The following CNDP1 variants were observed in gnomAD, a reference collection of about 807,000 sequenced individuals.
The protein encoded by CNDP1 is carnosine dipeptidase 1.
A neutral mutation model predicts 58.1 loss-of-function variants in CNDP1; 44 were observed. The ratio of observed to expected loss-of-function variants is 0.76; its 90% CI spans 0.60 to 0.97. The LOEUF (loss-of-function observed/expected upper bound fraction) is 0.97, where lower values mean the gene tolerates loss of function less well. CNDP1 is among the 50% of genes least tolerant of loss of function. CNDP1 has a pLI of 0.00. For missense variants in CNDP1, 616 were observed against 655.1 expected (o/e 0.94, Z 0.65); for synonymous variants, 254 against 252.6 (o/e 1.01, Z -0.05).
At chr18:74,550,802 A>C (rs376893801) in intron 1 of CNDP1, among the ~76,000 whole-genome samples, 1 of 150,690 alleles carries the variant, frequency 6.6e-6, no homozygotes, top group African/African-American at 2.4e-5. Context: ...GGGTTTCACC[A>C]TGTTAGCCAG....
At chr18:74,543,539 T>A (rs1980682346) in intron 1 of CNDP1, among the ~76,000 whole-genome samples, 1 of 141,050 alleles carries the variant, frequency 7.1e-6, no homozygotes, top group Non-Finnish European at 1.6e-5. Flanking sequence ...TAAAATAAAA[T>A]AAAAACAGAT....
At chr18:74,568,108 T>C (rs376374558) in intron 6 of CNDP1, among the ~76,000 whole-genome samples, 1 of 152,324 alleles carries the variant, frequency 6.6e-6, no homozygotes, top group Non-Finnish European at 1.5e-5. Flanking sequence ...GCATAAGACA[T>C]AGAAAGTCCC....
chr18:74,565,188 C>T (rs555710724), intron 5 of CNDP1, among the ~76,000 whole-genome samples: 24 of 152,196 alleles, frequency 1.6e-4, no homozygotes, highest in Non-Finnish European at 3.5e-4. Flanking sequence ...GATTCAATTA[C>T]CTCCCCGTGG....
At chr18:74,550,119 C>A (rs933645059) in intron 1 of CNDP1, among the ~76,000 whole-genome samples, 1 of 152,208 alleles carries the variant, frequency 6.6e-6, no homozygotes. Context: ...AGGGTCCCCA[C>A]TGGGGCACTA....
At chr18:74,540,157 CTT>C (rs34321505) in intron 1 of CNDP1, among the ~76,000 whole-genome samples, 70 of 135,184 alleles carry the variant, frequency 5.2e-4, no homozygotes, top group South Asian at 9.7e-4. Context: ...TGGTATAAAT[CTT>C]TTTTTTTTTT....
rs758721650 is a variant in CNDP1 at position 74,586,461 on chromosome 18, T to A, written c.*1899T>A. 2 of 152,256 alleles carry A rather than the reference T, an allele frequency of 1.3e-5. No homozygotes were observed. The highest frequency in any genetic ancestry group is 2.9e-5 in the Non-Finnish European group (2 of 68,050). The allele number at this position is 152,256 out of a possible 1,614,324, so 9.4% of individuals were successfully genotyped here. A position where few individuals can be genotyped will look rare whatever the true frequency, so the allele number is the denominator to read the frequency against. ...GATTTAGAGTCTTCATGTTAGTCCA[T>A]TAACATAAGTTTATTATAAAATACA... is the stretch of plus-strand genomic sequence containing the variant. On this transcript the variant is annotated 3_prime_UTR_variant, in exon 12 of 12. Transcript: ENST00000358821.
chr18:74,550,103 C>G (rs1453263587), intron 1 of CNDP1, among the ~76,000 whole-genome samples: 1 of 152,172 alleles, frequency 6.6e-6, no homozygotes. Flanking sequence ...GTTGGAGTCC[C>G]CACATAGGGT....
At chr18:74,555,534 T>C (rs1023174021) in intron 1 of CNDP1, among the ~76,000 whole-genome samples, 2 of 151,850 alleles carry the variant, frequency 1.3e-5, no homozygotes, top group African/African-American at 4.8e-5. Context: ...TGTGAAGGGG[T>C]GACCTTGCCC....
chr18:74,547,466 C>G (rs1279166827), intron 1 of CNDP1, among the ~76,000 whole-genome samples: 1 of 152,212 alleles, frequency 6.6e-6, no homozygotes, highest in Non-Finnish European at 1.5e-5. Flanking sequence ...GTTCAACACC[C>G]AAAATAAACA....
chr18:74,556,187 C>A, intron 1 of CNDP1, 151 bp from the exon 2 acceptor site: 1 of 786,144 alleles, frequency 1.3e-6, no homozygotes, highest in Non-Finnish European at 2.0e-6. Flanking sequence ...GCAAAAAATA[C>A]ATGTTTGGTT....
chr18:74,580,435 C>T (rs531922762), intron 10 of CNDP1, among the ~76,000 whole-genome samples, 164 bp downstream of exon 10: 9 of 152,352 alleles, frequency 5.9e-5, no homozygotes, highest in South Asian at 2.1e-4. Context: ...ACGCTATACA[C>T]GCCATCTCAA....
At chr18:74,583,285 G>A (rs986154444) in intron 10 of CNDP1, among the ~76,000 whole-genome samples, 11 of 152,186 alleles carry the variant, frequency 7.2e-5, no homozygotes, top group Admixed American at 4.6e-4. Context: ...GGGATTACAG[G>A]CATGAGCCAC....
rs1980739916 is a variant in CNDP1 at position 74,545,643 on chromosome 18, C to T, written c.25-10695C>T. Among the ~76,000 whole-genome samples, 1 of 152,152 alleles carries T rather than the reference C, an allele frequency of 6.6e-6. No homozygotes were observed. The highest frequency in any genetic ancestry group is 1.5e-5 in the Non-Finnish European group (1 of 68,022). On this transcript the variant is annotated intron_variant, in intron 1 of 11. Transcript: ENST00000358821. This position sits in a 1 kb window ranked among gnomAD's most constrained non-coding sequence, Gnocchi z 4.1. ...AGTCCACGTCTCTCTCAACTCCCCA[C>T]TCCCTCCGACCCTCCTCCTCCTCTC... is the stretch of plus-strand genomic sequence containing the variant.
rs950431872 is a variant in CNDP1 at position 74,568,989 on chromosome 18, T to C, written c.756+1556T>C. On this transcript the variant is annotated intron_variant, in intron 6 of 11. Coordinates refer to ENST00000358821, the MANE Select transcript of CNDP1 (RefSeq NM_032649.6). ...GGGCTGAGGTGATCAACGGTGGTAT[T>C]CAGGTTGAACAGGGGAAAAAACAAA... 2.0e-5 allele frequency among the ~76,000 whole-genome samples: 3 copies of C among 151,988 alleles called. No homozygotes were observed. In the East Asian group the frequency reaches 5.8e-4, roughly 29 times the overall value.
At chr18:74,571,297 T>G in intron 7 of CNDP1, 27 bp downstream of exon 7, 1 of 1,481,726 alleles carries the variant, frequency 6.7e-7, no homozygotes. Flanking sequence ...TTTCACTTTT[T>G]AAGCATCAGG....
At chr18:74,543,611 C>A (rs920241592) in intron 1 of CNDP1, among the ~76,000 whole-genome samples, 1 of 151,916 alleles carries the variant, frequency 6.6e-6, no homozygotes, top group Non-Finnish European at 1.5e-5. Flanking sequence ...AATAACTGAA[C>A]AGTAAAAATT....
At chr18:74,538,120 C>CA (rs1376092353) in intron 1 of CNDP1, among the ~76,000 whole-genome samples, 1 of 152,186 alleles carries the variant, frequency 6.6e-6, no homozygotes, top group Non-Finnish European at 1.5e-5. Flanking sequence ...CAACCATCAC[C>CA]ACCATCAATT....
chr18:74,583,511 G>C (rs886278916), intron 10 of CNDP1, 50 bp from the exon 11 acceptor site: 23 of 1,527,426 alleles, frequency 1.5e-5, no homozygotes, highest in Non-Finnish European at 1.9e-5. Flanking sequence ...GAGCTTCCTG[G>C]GGGTGTTCTT....
chr18:74,563,897 A>G, intron 5 of CNDP1, among the ~76,000 whole-genome samples: 1 of 152,332 alleles, frequency 6.6e-6, no homozygotes, highest in Admixed American at 6.5e-5. Context: ...TTGCCAGAAA[A>G]TTCTTAGGAT....
Sources: allele counts gnomAD v4.1 joint callset (sites outside exome capture counted in the v4.1 genomes callset), GRCh38; gene constraint gnomAD v4.1.1; non-coding constraint Gnocchi (gnomAD v3.1); transcripts MANE v1.5; gene names NCBI Gene and HGNC (gene_info 2026-07-23, HGNC 2026-07-21).